ANLN: variants seen among roughly 807,000 people sequenced by gnomAD.
ANLN encodes the protein anillin, actin binding protein, also known as anillin.
Under a neutral mutation model 135.1 loss-of-function variants are expected in ANLN, and 59 were observed. The observed-to-expected ratio is 0.44, with a 90% CI of 0.35 to 0.54. The LOEUF is 0.54. Ranked by LOEUF, ANLN falls within the 20% of genes least tolerant of loss-of-function variation. The pLI is 0.00. For missense variants in ANLN, 1,182 were observed against 1,340.0 expected (o/e 0.88, Z 1.84); for synonymous variants, 406 against 456.4 (o/e 0.89, Z 1.41).
At chr7:36,422,178 A>G (rs1232738230) in intron 13 of ANLN, among the ~76,000 whole-genome samples, 186 bp downstream of exon 13, 1 of 152,244 alleles carries the variant, frequency 6.6e-6, no homozygotes, top group African/African-American at 2.4e-5. Flanking sequence ...AGTTTGCATG[A>G]AAGGTAGAAG....
Position 36,424,608 on chromosome 7 carries a change from C to A in ANLN, c.2652+15C>A. The A allele has an allele frequency of 1.3e-6, 2 of 1,598,430 alleles. No individual in the cohort carries two copies. The highest frequency in any genetic ancestry group is 1.7e-6 in the Non-Finnish European group (2 of 1,171,906). On this transcript the variant is annotated intron_variant, in intron 16 of 23. Coordinates refer to ENST00000265748, the MANE Select transcript of ANLN (RefSeq NM_018685.5). ...TTTACAGCTTGGTAAGCTGATAAAG[C>A]CTTCTAAAATAATGAAGAGTATATT...
chr7:36,443,397 T>A (rs186846339), intron 21 of ANLN, among the ~76,000 whole-genome samples: 297 of 152,350 alleles, frequency 1.9e-3, no homozygotes, highest in Non-Finnish European at 3.4e-3. Flanking sequence ...TTAAAATATA[T>A]AAGGTATGGT....
chr7:36,432,467 T>C (rs1788371286), intron 20 of ANLN, among the ~76,000 whole-genome samples: 1 of 152,210 alleles, frequency 6.6e-6, no homozygotes, highest in Admixed American at 6.5e-5. Flanking sequence ...TCTATAGGTG[T>C]GTCTTTCTTA....
intron 3 of ANLN, among the ~76,000 whole-genome samples, chr7:36,401,378 G>A (rs375771732): frequency 1.3e-5 from 2 of 152,176 alleles, no homozygotes; most frequent in East Asian, 3.9e-4. Flanking sequence ...TCACTGTGCT[G>A]CCCAGGCTGG....
intron 20 of ANLN, among the ~76,000 whole-genome samples, chr7:36,433,339 G>A (rs1788404040): frequency 1.3e-5 from 2 of 152,074 alleles, no homozygotes; most frequent in African/African-American, 4.8e-5. Context: ...ATTTCTGAAG[G>A]ATATTGTCAC....
Position 36,419,443 on chromosome 7 carries a change from A to G in ANLN, c.1833A>G (p.Ala611=). Reference sequence around the variant, plus strand: ...ATATCTCCTCAATGTCTTTACTTGCACCATTGGCACAAACAGTTGGTGTGG... The same window carrying G: ...ATATCTCCTCAATGTCTTTACTTGCGCCATTGGCACAAACAGTTGGTGTGG... ...ALNISSMSLL[A]PLAQTVGVVS... The change falls in exon 10 of 24, where the codon GCA becomes GCG. Residue 611 remains alanine, a synonymous_variant. Coordinates refer to ENST00000265748, the MANE Select transcript of ANLN (RefSeq NM_018685.5). 1 of 1,613,958 alleles carries G rather than the reference A, an allele frequency of 6.2e-7. No individual in the cohort carries two copies. The highest frequency in any genetic ancestry group is 8.5e-7 in the Non-Finnish European group (1 of 1,180,014).
At chr7:36,403,280 T>C (rs1232939315) in intron 3 of ANLN, among the ~76,000 whole-genome samples, 1 of 152,102 alleles carries the variant, frequency 6.6e-6, no homozygotes, top group Non-Finnish European at 1.5e-5. Flanking sequence ...CTGGCCTCAG[T>C]GACTGGGTAG....
intron 20 of ANLN, among the ~76,000 whole-genome samples, chr7:36,430,204 C>T (rs1265306234): frequency 6.6e-6 from 1 of 152,136 alleles, no homozygotes; most frequent in East Asian, 1.9e-4. Context: ...GTCTTTCCTG[C>T]CTTGTCAGAT....
chr7:36,411,119 G>A lies in ANLN; in HGVS notation c.1348G>A (p.Ala450Thr). The A allele has an allele frequency of 6.2e-7, 1 of 1,609,722 alleles. No homozygotes were observed. The highest frequency in any genetic ancestry group is 8.5e-7 in the Non-Finnish European group (1 of 1,179,110). ...GRFDKGNIWS[A>T]EKGGNSKSKQ... ...ATTTGACAAGGGCAATATATGGAGT[G>A]CAGAAAAAGGCGGAAACTCAAAAAG... Residue 450 changes from alanine (A) to threonine (T), a missense_variant, in exon 7 of 24, where the codon GCA becomes ACA. Physicochemically the swap from Ala to Thr is moderately conservative, Grantham distance 58. Around this residue, in one of 3 missense-constraint regions of ANLN, gnomAD observed 1,022 missense variants for 1,134.0 expected, o/e 0.90. Coordinates refer to ENST00000265748, the MANE Select transcript of ANLN (RefSeq NM_018685.5).
intron 20 of ANLN, among the ~76,000 whole-genome samples, chr7:36,429,539 TG>T (rs1788229168): frequency 6.6e-6 from 1 of 152,228 alleles, no homozygotes; most frequent in African/African-American, 2.4e-5. Flanking sequence ...TTAATATTTT[TG>T]TAAAGGTCAG....
At chr7:36,429,366 G>A (rs1188306269) in intron 20 of ANLN, among the ~76,000 whole-genome samples, 1 of 151,818 alleles carries the variant, frequency 6.6e-6, no homozygotes, top group Non-Finnish European at 1.5e-5. Context: ...GATTACAGGC[G>A]TGCACCACCA....
intron 5 of ANLN, among the ~76,000 whole-genome samples, chr7:36,409,438 T>G (rs887255442): frequency 1.3e-5 from 2 of 152,164 alleles, no homozygotes; most frequent in Non-Finnish European, 1.5e-5. Context: ...CATTCTGTAA[T>G]GCAGAGCAGA....
chr7:36,410,587 T>G lies in ANLN; in HGVS notation c.1170T>G (p.Ala390=). Residue 390 remains alanine (A), a synonymous_variant, in exon 6 of 24, where the codon GCT becomes GCG. Transcript: ENST00000265748. ...RCQEHSKESP[A]RSTPHRTPII... ...AAGAACATAGCAAAGAAAGTCCAGCTCGTAGCACACCCCACAGAACCCCCA... is the reference window on the plus strand; with the variant it reads ...AAGAACATAGCAAAGAAAGTCCAGCGCGTAGCACACCCCACAGAACCCCCA... The G allele has an allele frequency of 6.2e-7, 1 of 1,614,066 alleles. No individual in the cohort carries two copies. Among genetic ancestry groups the G allele is most frequent in the Non-Finnish European group, 8.5e-7 (1 of 1,180,008 alleles).
chr7:36,418,557 A>T (rs1292214407), intron 9 of ANLN, among the ~76,000 whole-genome samples: 1 of 152,188 alleles, frequency 6.6e-6, no homozygotes, highest in Non-Finnish European at 1.5e-5. Flanking sequence ...AGTGACATTA[A>T]TATTTTCCTA....
intron 22 of ANLN, among the ~76,000 whole-genome samples, chr7:36,447,935 C>G (rs1267702666): frequency 6.6e-6 from 1 of 152,062 alleles, no homozygotes; most frequent in African/African-American, 2.4e-5. Context: ...TTGGTCCTTG[C>G]TTTTTCCATA....
chr7:36,390,530 TA>T (rs1786401211), intron 1 of ANLN: 2 of 161,054 alleles, frequency 1.2e-5, no homozygotes, highest in African/African-American at 4.8e-5. Flanking sequence ...AGCAAAACGT[TA>T]AAATAAGCAG....
Position 36,419,467 on chromosome 7 carries a change from G to A in ANLN, c.1857G>A (p.Val619=), listed in dbSNP as rs17213431. 206,980 of 1,612,792 alleles carry A rather than the reference G, an allele frequency of 0.13. 14,460 individuals carry two copies. The highest frequency in any genetic ancestry group is 0.15 in the South Asian group (13,466 of 91,054). Residue 619 remains valine, a synonymous_variant, in exon 10 of 24, where the codon GTG becomes GTA. Coordinates refer to ENST00000265748, the MANE Select transcript of ANLN (RefSeq NM_018685.5). ...LLAPLAQTVG[V]VSPESLVSTP... Reference sequence around the variant, plus strand: ...CACCATTGGCACAAACAGTTGGTGTGGTAAGTCCAGAGGTAAGAAAAGGCT... The same window carrying A: ...CACCATTGGCACAAACAGTTGGTGTAGTAAGTCCAGAGGTAAGAAAAGGCT...
intron 21 of ANLN, among the ~76,000 whole-genome samples, chr7:36,441,998 G>A (rs114271447): frequency 1.1e-3 from 167 of 152,300 alleles, no homozygotes; most frequent in African/African-American, 3.9e-3. Flanking sequence ...TATGGTTGGA[G>A]CAAGCCAATT....
intron 1 of ANLN, among the ~76,000 whole-genome samples, chr7:36,393,570 G>A (rs977647829): frequency 6.6e-6 from 1 of 152,206 alleles, no homozygotes; most frequent in African/African-American, 2.4e-5. Flanking sequence ...TGCATCCCAT[G>A]TTCACTTTGG....
Sources: gnomAD v4.1 joint callset for allele counts (sites outside exome capture counted in the v4.1 genomes callset) on GRCh38, gnomAD v4.1.1 for gene constraint, gnomAD v4.1.1 regional missense constraint, MANE v1.5 for transcripts, NCBI Gene and HGNC (gene_info 2026-07-23, HGNC 2026-07-21) for gene names.